TRABD2A: variants seen among roughly 807,000 people sequenced by gnomAD.
TRABD2A encodes the protein TraB domain containing 2A, also known as metalloprotease TIKI1.
Under a neutral mutation model 45.6 loss-of-function variants are expected in TRABD2A, and 43 were observed. The observed-to-expected ratio is 0.94, with a 90% CI of 0.74 to 1.22. TRABD2A has a LOEUF of 1.22. TRABD2A is among the 50% of genes most tolerant of loss of function. The pLI, the probability that TRABD2A is intolerant of heterozygous loss-of-function variation, is 0.00. For missense variants in TRABD2A, 642 were observed against 652.4 expected, an observed-to-expected ratio of 0.98 and a Z score of 0.17; for synonymous variants, 269 against 265.0, an observed-to-expected ratio of 1.02 and a Z score of -0.15.
chr2:84,872,688 T>G (rs1302280956), intron 1 of TRABD2A, among the ~76,000 whole-genome samples: 3 of 152,242 alleles, frequency 2.0e-5, no homozygotes, highest in African/African-American at 7.2e-5. Flanking sequence ...GTAGTTATAT[T>G]TTATAAAGTT....
chr2:84,829,007 G>A (rs1681232487), intron 5 of TRABD2A, among the ~76,000 whole-genome samples: 1 of 152,166 alleles, frequency 6.6e-6, no homozygotes, highest in African/African-American at 2.4e-5. Flanking sequence ...GTAAAAGGTG[G>A]GAGAAGAAAG....
intron 2 of TRABD2A, among the ~76,000 whole-genome samples, chr2:84,854,288 C>A (rs749059352): frequency 3.3e-5 from 5 of 152,032 alleles, no homozygotes; most frequent in Non-Finnish European, 5.9e-5. Context: ...GGTCTTGGAA[C>A]CAATCCCCCA....
chr2:84,855,886 C>T (rs926602262), intron 2 of TRABD2A, among the ~76,000 whole-genome samples: 7 of 152,088 alleles, frequency 4.6e-5, no homozygotes, highest in Admixed American at 1.3e-4. Flanking sequence ...TTGTCAAAAA[C>T]AAAGGCCCCC....
intron 1 of TRABD2A, among the ~76,000 whole-genome samples, chr2:84,880,402 CTGAG>C (rs2105418836): frequency 6.6e-6 from 1 of 152,304 alleles, no homozygotes; most frequent in East Asian, 1.9e-4. Context: ...AGGTCCCCCG[CTGAG>C]TGTCAGTTTC....
intron 2 of TRABD2A, among the ~76,000 whole-genome samples, chr2:84,852,422 A>G (rs1183765657): frequency 6.6e-6 from 1 of 152,080 alleles, no homozygotes; most frequent in Non-Finnish European, 1.5e-5. Flanking sequence ...GAATGCCAGC[A>G]TGACCATGGG....
chr2:84,871,031 G>A (rs746045945), intron 1 of TRABD2A, among the ~76,000 whole-genome samples: 8 of 152,098 alleles, frequency 5.3e-5, no homozygotes, highest in South Asian at 2.1e-4. Flanking sequence ...GATCACCAGC[G>A]GAGCTTTAAA....
intron 1 of TRABD2A, among the ~76,000 whole-genome samples, chr2:84,872,914 C>A (rs1179033663): frequency 5.3e-5 from 8 of 150,190 alleles, no homozygotes; most frequent in Non-Finnish European, 1.2e-4. Context: ...CAGGAGTTCG[C>A]GATCAGCCTG....
At chr2:84,869,973 C>CAAAAAAAA (rs36090318) in intron 2 of TRABD2A, among the ~76,000 whole-genome samples, 13 of 76,410 alleles carry the variant, frequency 1.7e-4, no homozygotes, top group African/African-American at 2.3e-4. Context: ...GACTCTGTCC[C>CAAAAAAAA]AAAAAAAAAA....
intron 4 of TRABD2A, chr2:84,833,626 C>G (rs925328585): frequency 6.6e-6 from 1 of 152,030 alleles, no homozygotes; most frequent in Admixed American, 6.5e-5. Flanking sequence ...TAAAAGCACA[C>G]GGTAATGTGT....
chr2:84,838,270 A>AGTT, intron 4 of TRABD2A: 1 of 717,256 alleles, frequency 1.4e-6, no homozygotes, highest in South Asian at 1.5e-5. Context: ...AAACAGAACA[A>AGTT]GTTAAAATGC....
chr2:84,850,559 G>T (rs1449106428), intron 2 of TRABD2A, among the ~76,000 whole-genome samples: 1 of 152,086 alleles, frequency 6.6e-6, no homozygotes, highest in Non-Finnish European at 1.5e-5. Context: ...CAAGGTGGAG[G>T]CCCCAGAGAG....
chr2:84,872,359 A>T (rs1399644485), intron 1 of TRABD2A, among the ~76,000 whole-genome samples: 2 of 152,030 alleles, frequency 1.3e-5, no homozygotes, highest in African/African-American at 4.8e-5. Context: ...AAATACCAAA[A>T]TTAGTCGGGC....
At position 84,839,307 on chromosome 2, in the gene TRABD2A, T is replaced by C; in HGVS notation, c.833A>G (p.Asn278Ser). The change falls in exon 4 of 7, where the codon AAT (asparagine) becomes AGT (serine). Residue 278 changes from asparagine to serine, a missense_variant. By Grantham distance (46) the Asn-to-Ser change is conservative (BLOSUM62 1). Coordinates refer to ENST00000409520, the MANE Select transcript of TRABD2A (RefSeq NM_001277053.2). Reference sequence around the variant, plus strand: ...GCGCTCCTGAGGTGGTAGCGTGGCATTAATAAAATTGGGAACCTCCACCAA... The same window carrying C: ...GCGCTCCTGAGGTGGTAGCGTGGCACTAATAAAATTGGGAACCTCCACCAA... ...HDSSQVPNFI[N>S]ATLPPQERIT... The C allele has an allele frequency of 6.2e-7, 1 of 1,607,906 alleles. No individual in the cohort carries two copies.
intron 1 of TRABD2A, 35 bp downstream of exon 1, chr2:84,880,897 G>A (rs1399571906): frequency 1.3e-6 from 2 of 1,560,952 alleles, no homozygotes; most frequent in South Asian, 1.2e-5. Context: ...GAGGTGCAGA[G>A]AGGCCGGCTC....
chr2:84,873,653 A>G lies in TRABD2A; in HGVS notation c.109-2868T>C, dbSNP rs80190571. 5.4e-3 allele frequency among the ~76,000 whole-genome samples: 818 copies of G among 152,382 alleles called. 7 individuals are homozygous for G. Among genetic ancestry groups the G allele is most frequent in the Middle Eastern group, 0.014 (4 of 294 alleles). ...GGTTAGAATTAGATCAAAAGGGTAG[A>G]AGACACTGGGTAACTAAAATAGATG... On this transcript the variant is annotated intron_variant, in intron 1 of 6. Transcript: ENST00000409520.
intron 2 of TRABD2A, among the ~76,000 whole-genome samples, chr2:84,848,144 A>C (rs1006196515): frequency 5.3e-5 from 8 of 152,198 alleles, no homozygotes; most frequent in African/African-American, 1.4e-4. Context: ...TTGGGGATGA[A>C]GACATAATTC....
At chr2:84,857,181 G>C (rs920888061) in intron 2 of TRABD2A, among the ~76,000 whole-genome samples, 4 of 152,198 alleles carry the variant, frequency 2.6e-5, no homozygotes, top group African/African-American at 7.2e-5. Context: ...AGCCCAAGCA[G>C]GCTAATACAC....
At chr2:84,839,369 T>C in intron 3 of TRABD2A, 46 bp from the exon 4 acceptor site, 1 of 1,525,700 alleles carries the variant, frequency 6.6e-7, no homozygotes, top group Non-Finnish European at 8.8e-7. Context: ...AACAGAGTTA[T>C]TAACAAAGTT....
intron 5 of TRABD2A, among the ~76,000 whole-genome samples, chr2:84,826,189 C>G (rs1681140731): frequency 6.6e-6 from 1 of 152,302 alleles, no homozygotes; most frequent in Non-Finnish European, 1.5e-5. Flanking sequence ...AACATGGTCT[C>G]TAACTCACTA....
Sources: gnomAD v4.1 joint callset for allele counts (sites outside exome capture counted in the v4.1 genomes callset) on GRCh38, gnomAD v4.1.1 for gene constraint, MANE v1.5 for transcripts, NCBI Gene and HGNC (gene_info 2026-07-23, HGNC 2026-07-21) for gene names.